LAMA2: variants seen among roughly 807,000 people sequenced by gnomAD.
LAMA2 encodes laminin subunit alpha 2, also known as laminin subunit alpha-2.
A neutral mutation model predicts 364.8 loss-of-function variants in LAMA2; 269 were observed. The observed-to-expected ratio is 0.74, with a 90% confidence interval of 0.67 to 0.82. LAMA2 has a LOEUF of 0.82. LAMA2 is among the 40% of genes least tolerant of loss of function. LAMA2 has a pLI of 0.00. For missense variants in LAMA2, 3,807 were observed against 3,873.2 expected, an observed-to-expected ratio of 0.98 and a Z score of 0.45; for synonymous variants, 1,379 against 1,370.6, an observed-to-expected ratio of 1.01 and a Z score of -0.14.
chr6:128,927,100 G>A (rs772800116), intron 1 of LAMA2, among the ~76,000 whole-genome samples: 11 of 152,168 alleles, frequency 7.2e-5, no homozygotes, highest in East Asian at 1.9e-4. Flanking sequence ...GAAATGAAGT[G>A]TGAAATGGTA....
intron 53 of LAMA2, among the ~76,000 whole-genome samples, chr6:129,478,492 C>G (rs1583844823): frequency 6.6e-6 from 1 of 152,148 alleles, no homozygotes; most frequent in East Asian, 1.9e-4. Flanking sequence ...CAAAAAGACT[C>G]CTTCTGCAGG....
intron 40 of LAMA2, among the ~76,000 whole-genome samples, chr6:129,424,701 G>T (rs1781242251): frequency 6.6e-6 from 1 of 151,934 alleles, no homozygotes; most frequent in African/African-American, 2.4e-5. Context: ...TAAAAGACAG[G>T]TTATACCAAG....
At chr6:129,204,139 T>A (rs903273848) in intron 12 of LAMA2, among the ~76,000 whole-genome samples, 10 of 152,232 alleles carry the variant, frequency 6.6e-5, no homozygotes, top group African/African-American at 1.2e-4. Context: ...ACGTAGATTA[T>A]ATGCCTTTAA....
Position 128,928,481 on chromosome 6 carries a change from A to G in LAMA2, c.112+45124A>G, listed in dbSNP as rs950108609. ...AAAAACAGCTGATGAAACTAAATCC[A>G]AAGGTATGACAAAGACGACTCAGCT... On this transcript the variant is annotated intron_variant, in intron 1 of 64. Coordinates refer to ENST00000421865, the MANE Select transcript of LAMA2 (RefSeq NM_000426.4). Among the ~76,000 whole-genome samples the G allele has an allele frequency of 1.6e-4, 25 of 152,326 alleles. 1 individual carries two copies. The highest frequency in any genetic ancestry group is 4.1e-4 in the South Asian group (2 of 4,822).
chr6:128,902,224 A>C (rs559128457), intron 1 of LAMA2, among the ~76,000 whole-genome samples: 1 of 152,362 alleles, frequency 6.6e-6, no homozygotes, highest in African/African-American at 2.4e-5. Flanking sequence ...ATTACAATTC[A>C]AGATGAGATT....
At chr6:128,942,590 T>G (rs1562854717) in intron 1 of LAMA2, among the ~76,000 whole-genome samples, 2 of 152,310 alleles carry the variant, frequency 1.3e-5, no homozygotes, top group East Asian at 3.9e-4. Context: ...TTAAAACATT[T>G]TTGTTGTTGT....
At chr6:129,465,320 G>A (rs757568190) in intron 51 of LAMA2, 31 bp downstream of exon 51, 9 of 1,565,836 alleles carry the variant, frequency 5.7e-6, no homozygotes, top group Non-Finnish European at 7.9e-6. Flanking sequence ...TGCAATATAG[G>A]CCTTAATCAT....
rs927298135 is a variant in LAMA2, at chr6:129,396,125, C to T, written c.5445+2870C>T. Among the ~76,000 whole-genome samples, 4 of 152,042 alleles carry T rather than the reference C, an allele frequency of 2.6e-5. No individual in the cohort carries two copies. In the East Asian group the frequency reaches 5.8e-4, roughly 22 times the overall value. ...TTAAACTGAATAAATGGTTTTTTAT[C>T]GGAAAATAGTGTGATATTAGGCTAG... On this transcript the variant is annotated intron_variant, in intron 37 of 64. Coordinates refer to ENST00000421865, the MANE Select transcript of LAMA2 (RefSeq NM_000426.4).
intron 12 of LAMA2, among the ~76,000 whole-genome samples, chr6:129,232,270 G>C (rs1024533776): frequency 7.9e-5 from 12 of 152,038 alleles, no homozygotes; most frequent in African/African-American, 2.7e-4. Flanking sequence ...ATATTCTAAG[G>C]AGATCTCAGC....
intron 52 of LAMA2, among the ~76,000 whole-genome samples, chr6:129,474,106 T>C (rs1330243517): frequency 6.6e-6 from 1 of 152,112 alleles, no homozygotes. Context: ...TATTACAGAC[T>C]ACCATGTTTT....
chr6:129,180,646 G>A (rs1470060583), intron 10 of LAMA2, among the ~76,000 whole-genome samples: 1 of 152,076 alleles, frequency 6.6e-6, no homozygotes, highest in African/African-American at 2.4e-5. Flanking sequence ...GACATACTGA[G>A]CTGATATGGA....
At chr6:129,222,229 A>G (rs1362562736) in intron 12 of LAMA2, among the ~76,000 whole-genome samples, 1 of 152,186 alleles carries the variant, frequency 6.6e-6, no homozygotes, top group Non-Finnish European at 1.5e-5. Flanking sequence ...GATTAGACCA[A>G]TGATGATAGT....
chr6:129,150,062 T>C (rs1285892348), intron 7 of LAMA2, among the ~76,000 whole-genome samples: 3 of 152,156 alleles, frequency 2.0e-5, no homozygotes, highest in African/African-American at 7.2e-5. Flanking sequence ...CTCTCCTTAT[T>C]TTCTGCACTC....
At chr6:129,347,523 G>A (rs1039540651) in intron 30 of LAMA2, among the ~76,000 whole-genome samples, 2 of 152,278 alleles carry the variant, frequency 1.3e-5, no homozygotes, top group African/African-American at 2.4e-5. Context: ...ATAAAAACCA[G>A]AAGGAAATGG....
chr6:129,046,636 T>A (rs1787526199), intron 1 of LAMA2, among the ~76,000 whole-genome samples: 1 of 152,176 alleles, frequency 6.6e-6, no homozygotes, highest in Non-Finnish European at 1.5e-5. Flanking sequence ...CCATTATGTT[T>A]ATTCAATGTG....
chr6:129,107,907 C>A (rs79292164), intron 4 of LAMA2, among the ~76,000 whole-genome samples: 1,847 of 152,236 alleles, frequency 0.012, 34 homozygotes, highest in African/African-American at 0.042. Flanking sequence ...CCTATAAGCT[C>A]AGGAGTCCCC....
chr6:129,327,799 T>C lies in LAMA2; in HGVS notation c.4177-479T>C, dbSNP rs553913427. 3.3e-5 allele frequency among the ~76,000 whole-genome samples: 5 copies of C among 152,310 alleles called. No individual in the cohort carries two copies. In the East Asian group the frequency reaches 9.6e-4, roughly 29 times the overall value. On this transcript the variant is annotated intron_variant, in intron 28 of 64. Coordinates refer to ENST00000421865, the MANE Select transcript of LAMA2 (RefSeq NM_000426.4). The stretch of plus-strand genomic sequence containing the variant: ...CATGTACAGCTTTTATTATTTTGGA[T>C]TTCTTACTTTTATAGTCTTTAAATT...
chr6:129,117,669 C>A (rs1776554656), intron 4 of LAMA2, among the ~76,000 whole-genome samples: 2 of 152,170 alleles, frequency 1.3e-5, no homozygotes, highest in Non-Finnish European at 2.9e-5. Flanking sequence ...TTCTAGCATA[C>A]AGTTTGAGTG....
At chr6:129,161,902 A>G (rs1038256068) in intron 8 of LAMA2, among the ~76,000 whole-genome samples, 1 of 152,108 alleles carries the variant, frequency 6.6e-6, no homozygotes, top group Non-Finnish European at 1.5e-5. Context: ...CAGTCCACCA[A>G]TGATGGTACC....
Sources: gnomAD v4.1 joint callset for allele counts (sites outside exome capture counted in the v4.1 genomes callset) on GRCh38, gnomAD v4.1.1 for gene constraint, MANE v1.5 for transcripts, NCBI Gene and HGNC (gene_info 2026-07-23, HGNC 2026-07-21) for gene names.